Variants in CYB561A3 observed in about 807,000 individuals in gnomAD.
The protein encoded by CYB561A3 is cytochrome b561 family member A3.
In CYB561A3, 16 loss-of-function variants were observed where a neutral mutation model predicts 25.3. The ratio of observed to expected loss-of-function variants is 0.63; its 90% confidence interval spans 0.43 to 0.96. CYB561A3 has a LOEUF of 0.96. CYB561A3 is among the 40% of genes least tolerant of loss of function. The probability of loss-of-function intolerance (pLI) is 0.00; values close to 1 mark genes in which losing one functional copy is unlikely to be tolerated. For synonymous variants in CYB561A3, 131 were observed against 129.9 expected, an observed-to-expected ratio of 1.01 and a Z score of -0.06; for missense variants, 219 against 307.5, an observed-to-expected ratio of 0.71 and a Z score of 2.15.
chr11:61,353,840 G>C lies in CYB561A3; in HGVS notation c.337C>G (p.Leu113Val), dbSNP rs749675764. 1.2e-6 allele frequency: 2 copies of C among 1,614,072 alleles called. No individual in the cohort carries two copies. The highest frequency in any genetic ancestry group is 1.7e-5 in the Admixed American group (1 of 60,000). ...CCCAGCCAGCTGTGAAGGGAGTAGA[G>C]GTTGGCAGTCCTTCCATGGTTGTGA... The part of the protein sequence containing the change: ...TFHNHGRTAN[L>V]YSLHSWLGIT... The change falls in exon 4 of 7, where the codon CTC (leucine) becomes GTC (valine). Residue 113 changes from leucine (L) to valine (V), a missense_variant. Coordinates refer to ENST00000294072, the MANE Select transcript of CYB561A3 (RefSeq NM_153611.6).
Position 61,350,283 on chromosome 11 carries a change from C to T in CYB561A3, c.*116G>A, listed in dbSNP as rs1857334429. 7.3e-7 allele frequency: 1 copy of T among 1,363,654 alleles called. No homozygotes were observed. The highest frequency in any genetic ancestry group is 1.3e-5 in the South Asian group (1 of 75,490). 84.5% of individuals were successfully genotyped at this position (1,363,654 alleles called of 1,614,324 possible). A position where few individuals can be genotyped will look rare whatever the true frequency, so the allele number is the denominator to read the frequency against. On this transcript the variant is annotated 3_prime_UTR_variant, in exon 7 of 7. Transcript: ENST00000294072. ...AGCACCCAGGCAAGAAGTCTGGGCC[C>T]AGCATTGGAAGAAAGTCGCCTGCTG...
At position 61,357,230 on chromosome 11, in the gene CYB561A3, C is replaced by A. The variant is rs1447731491; in HGVS notation, c.-15-502G>T. The A allele has an allele frequency of 3.2e-6, 5 of 1,551,386 alleles. No individual in the cohort carries two copies. In the Admixed American group the frequency reaches 7.8e-5, roughly 24 times the overall value. ...TAGACAGGAAGGAGTCAGAAAAGTT[C>A]TTCCCCATAGAGTAAGCTCTATGGG... On this transcript the variant is annotated intron_variant, in intron 2 of 6. Coordinates refer to ENST00000294072, the MANE Select transcript of CYB561A3 (RefSeq NM_153611.6).
At chr11:61,352,734 A>G in intron 5 of CYB561A3, 1 of 1,193,998 alleles carries the variant, frequency 8.4e-7, no homozygotes, top group Non-Finnish European at 1.1e-6. Flanking sequence ...GGTTGACAGG[A>G]TTAAATGTAA....
intron 3 of CYB561A3, chr11:61,354,267 G>A: frequency 2.1e-6 from 1 of 476,124 alleles, no homozygotes; most frequent in Non-Finnish European, 3.8e-6. Context: ...CAAGGTGGGA[G>A]GACTGCTTGA....
chr11:61,356,427 T>G (rs1424735733), intron 3 of CYB561A3, 103 bp downstream of exon 3: 2 of 503,430 alleles, frequency 4.0e-6, no homozygotes, highest in Middle Eastern at 8.9e-4. Context: ...CCTACCCCCA[T>G]AGCCCCAAGC....
At position 61,356,725 on chromosome 11, in the gene CYB561A3, A is replaced by G. The variant is rs372026923; in HGVS notation, c.-12T>C. ...CGTCCAGACACCATTCTGATCACGC[A>G]CTCCTAGAAGAAGGAGAAGTCACAA... is the stretch of plus-strand genomic sequence containing the variant. On this transcript the variant is annotated 5_prime_UTR_variant, in exon 3 of 7. Coordinates refer to ENST00000294072, the MANE Select transcript of CYB561A3 (RefSeq NM_153611.6). 3.9e-5 allele frequency: 63 copies of G among 1,613,354 alleles called. No homozygotes were observed. In the African/African-American group the frequency reaches 7.7e-4, roughly 20 times the overall value.
At chr11:61,350,454 T>C (rs769913940) in intron 6 of CYB561A3, 32 bp from the exon 7 acceptor site, 9 of 1,609,768 alleles carry the variant, frequency 5.6e-6, no homozygotes, top group Non-Finnish European at 7.6e-6. Context: ...CAGGAGTTAA[T>C]GACATGATGC....
At chr11:61,355,689 G>GAA (rs1181348077) in intron 3 of CYB561A3, among the ~76,000 whole-genome samples, 1 of 111,718 alleles carries the variant, frequency 9.0e-6, no homozygotes, top group Non-Finnish European at 1.9e-5. Context: ...CTCAAAAAAA[G>GAA]AAAAAAAAAA....
Position 61,351,118 on chromosome 11 carries a change from A to G in CYB561A3, c.578T>C (p.Leu193Pro). 6.2e-7 allele frequency: 1 copy of G among 1,613,812 alleles called. No homozygotes were observed. The highest frequency in any genetic ancestry group is 8.5e-7 in the Non-Finnish European group (1 of 1,179,890). ...LKNTTRPYHS[L>P]PSEAVFANST... The stretch of plus-strand genomic sequence containing the variant: ...GTTGGCAAAGACCGCCTCACTGGGC[A>G]GGCTGTGGTATGGCCTGGTGGTGTT... Residue 193 changes from leucine to proline, a missense_variant, in exon 6 of 7, where the codon CTG becomes CCG. Leu to Pro is a moderately conservative substitution (Grantham distance 98). Transcript: ENST00000294072.
chr11:61,357,940 A>G (rs1239783012), intron 1 of CYB561A3, 112 bp from the exon 2 acceptor site: 1 of 152,254 alleles, frequency 6.6e-6, no homozygotes, highest in Non-Finnish European at 1.5e-5. Flanking sequence ...TAACCCTGGG[A>G]GGCATATTAT....
Position 61,350,386 on chromosome 11 carries a change from C to G in CYB561A3, c.*13G>C. 1 of 1,608,382 alleles carries G rather than the reference C, an allele frequency of 6.2e-7. No homozygotes were observed. Among genetic ancestry groups the G allele is most frequent in the Non-Finnish European group, 8.5e-7 (1 of 1,177,934 alleles). Reference sequence around the variant, plus strand: ...GCACCACCAGGAGCTCTTGGGAGCCCCTTCCTGCTGCTTCACTCCCCATCA... The same window carrying G: ...GCACCACCAGGAGCTCTTGGGAGCCGCTTCCTGCTGCTTCACTCCCCATCA... On this transcript the variant is annotated 3_prime_UTR_variant, in exon 7 of 7. Transcript: ENST00000294072.
intron 4 of CYB561A3, 150 bp from the exon 5 acceptor site, chr11:61,353,289 T>G: frequency 6.1e-6 from 6 of 983,280 alleles, no homozygotes; most frequent in Non-Finnish European, 8.8e-6. Context: ...CCGTGCTAGC[T>G]TCCTCATTGT....
chr11:61,358,040 G>C (rs1208239357), intron 1 of CYB561A3: 1 of 152,276 alleles, frequency 6.6e-6, no homozygotes, highest in African/African-American at 2.4e-5. Flanking sequence ...TGTGTGTTTA[G>C]CTTCAAGGCC....
intron 3 of CYB561A3, among the ~76,000 whole-genome samples, chr11:61,355,556 C>G (rs987272371): frequency 2.0e-5 from 3 of 151,964 alleles, no homozygotes; most frequent in African/African-American, 7.3e-5. Flanking sequence ...TGGCGGGCAC[C>G]TATAATCTCA....
At chr11:61,356,415 ACCCT>A in intron 3 of CYB561A3, 111 bp downstream of exon 3, 2 of 223,164 alleles carry the variant, frequency 9.0e-6, no homozygotes, top group Non-Finnish European at 1.7e-5. Context: ...AGCCCAACCC[ACCCT>A]ACCCCCATAG....
chr11:61,349,905 C>T lies in CYB561A3; in HGVS notation c.*494G>A, dbSNP rs969922892. The T allele has an allele frequency of 1.5e-5, 8 of 519,120 alleles. No individual in the cohort carries two copies. The highest frequency in any genetic ancestry group is 6.2e-5 in the South Asian group (3 of 48,240). The allele number at this position is 519,120 out of a possible 1,614,324, so 32.2% of individuals were successfully genotyped here. A position where few individuals can be genotyped will look rare whatever the true frequency, so the allele number is the denominator to read the frequency against. The stretch of plus-strand genomic sequence containing the variant: ...GGGAAGTGGACGGACACCTCACCTC[C>T]CTCATGTTTCACACCGTGGACTGCA... On this transcript the variant is annotated 3_prime_UTR_variant, in exon 7 of 7. Transcript: ENST00000294072.
chr11:61,353,088 G>A lies in CYB561A3; in HGVS notation c.445C>T (p.Arg149Cys), dbSNP rs199743214. 163 of 1,613,282 alleles carry A rather than the reference G, an allele frequency of 1.0e-4. No homozygotes were observed. The highest frequency in any genetic ancestry group is 1.3e-4 in the Non-Finnish European group (148 of 1,179,876). ...ACGTGGATAGGTTTTAGGAGGCTGC[G>A]CAGCCACATGGACGCCCAGGGCAGG... ...FLLPWASMWL[R>C]SLLKPIHVFF... Residue 149 changes from arginine (R) to cysteine (C), a missense_variant, in exon 5 of 7, where the codon CGC (arginine) becomes TGC (cysteine). Physicochemically the swap from Arg to Cys is radical, Grantham distance 180. Coordinates refer to ENST00000294072, the MANE Select transcript of CYB561A3 (RefSeq NM_153611.6).
At chr11:61,350,794 G>A (rs1857367980) in intron 6 of CYB561A3, 197 bp downstream of exon 6, 1 of 710,906 alleles carries the variant, frequency 1.4e-6, no homozygotes, top group Non-Finnish European at 2.2e-6. Context: ...ACAGACTGGG[G>A]AGTCCCAGCA....
chr11:61,352,928 T>C, intron 5 of CYB561A3, 57 bp downstream of exon 5: 1 of 1,613,444 alleles, frequency 6.2e-7, no homozygotes, highest in Non-Finnish European at 8.5e-7. Flanking sequence ...GGGTGTATCT[T>C]TTGAAGACCC....
Sources: allele counts gnomAD v4.1 joint callset (sites outside exome capture counted in the v4.1 genomes callset), GRCh38; gene constraint gnomAD v4.1.1; transcripts MANE v1.5; gene names NCBI Gene and HGNC (gene_info 2026-07-23, HGNC 2026-07-21).